The following RNF166 variants were observed in gnomAD, a reference collection of about 807,000 sequenced individuals.
The protein encoded by RNF166 is ring finger protein 166.
In RNF166, 19 loss-of-function variants were observed where a neutral mutation model predicts 29.4. The observed-to-expected ratio is 0.65, with a 90% CI of 0.45 to 0.95. The LOEUF (loss-of-function observed/expected upper bound fraction) is 0.95, where lower values mean the gene tolerates loss of function less well. Among genes scored for constraint, RNF166 ranks in the 40% least tolerant of loss-of-function variants. The pLI is 0.00. For synonymous variants in RNF166, 171 were observed against 134.5 expected (o/e 1.27, Z -1.88); for missense variants, 347 against 322.1 (o/e 1.08, Z -0.59).
At position 88,697,646 on chromosome 16, in the gene RNF166, A is replaced by G; in HGVS notation, c.649-13T>C. The G allele has an allele frequency of 6.5e-7, 1 of 1,545,708 alleles. No individual in the cohort carries two copies. Among genetic ancestry groups the G allele is most frequent in the African/African-American group, 1.4e-5 (1 of 73,080 alleles). On this transcript the variant is annotated splice_polypyrimidine_tract_variant and intron_variant, in intron 5 of 5. Transcript: ENST00000312838. ...CAATACTGTAGTCCTGGAGACAGGA[A>G]GGAGAGATGCACCGGGCTCGAGGGA...
intron 1 of RNF166, chr16:88,703,924 C>T (rs1240397517): frequency 2.0e-6 from 2 of 985,356 alleles, no homozygotes; most frequent in Non-Finnish European, 2.4e-6. Context: ...GCTGCTCACA[C>T]AGCCCTTCCA....
At chr16:88,703,531 G>C in intron 1 of RNF166, 1 of 985,436 alleles carries the variant, frequency 1.0e-6, no homozygotes, top group Non-Finnish European at 1.2e-6. Flanking sequence ...GCAGGAGGCA[G>C]AACGAGGCAC....
chr16:88,701,213 C>A, intron 2 of RNF166, 49 bp downstream of exon 2: 1 of 1,608,784 alleles, frequency 6.2e-7, no homozygotes, highest in South Asian at 1.1e-5. Context: ...TGGGCTGAGG[C>A]TGCCCATCAA....
intron 2 of RNF166, chr16:88,700,518 C>G (rs111712056): frequency 1.2e-6 from 1 of 838,146 alleles, no homozygotes; most frequent in African/African-American, 1.8e-5. Flanking sequence ...CCTTCGACCT[C>G]GAGGACAAAC....
Position 88,698,492 on chromosome 16 carries a change from G to A in RNF166, c.648+10C>T, listed in dbSNP as rs968179909. On this transcript the variant is annotated intron_variant, in intron 5 of 5. Coordinates refer to ENST00000312838, the MANE Select transcript of RNF166 (RefSeq NM_178841.4). ...GGCGTGGGGGAGGACGGTGCTGGCG[G>A]GATGCCTACCACAAAGGTGTCGTAG... 6.4e-7 allele frequency: 1 copy of A among 1,555,466 alleles called. No homozygotes were observed. The highest frequency in any genetic ancestry group is 8.7e-7 in the Non-Finnish European group (1 of 1,147,686).
In RNF166 at chr16:88,699,746, C is replaced by G; in HGVS notation, c.313-14G>C. On this transcript the variant is annotated splice_polypyrimidine_tract_variant and intron_variant, in intron 2 of 5. Coordinates refer to ENST00000312838, the MANE Select transcript of RNF166 (RefSeq NM_178841.4). ...TGCCAGGGTCACCTAGGAGACAGGG[C>G]AGGGAGGGCAAGGCGGTCCTGAGAA... The G allele has an allele frequency of 6.2e-7, 1 of 1,603,484 alleles. No individual in the cohort carries two copies. The highest frequency in any genetic ancestry group is 8.5e-7 in the Non-Finnish European group (1 of 1,172,486).
chr16:88,699,068 G>A lies in RNF166; in HGVS notation c.443C>T (p.Ser148Phe). 1 of 1,609,424 alleles carries A rather than the reference G, an allele frequency of 6.2e-7. No homozygotes were observed. Among genetic ancestry groups the A allele is most frequent in the East Asian group, 2.2e-5 (1 of 44,810 alleles). Residue 148 changes from serine to phenylalanine, a missense_variant, in exon 4 of 6, where the codon TCC becomes TTC. Coordinates refer to ENST00000312838, the MANE Select transcript of RNF166 (RefSeq NM_178841.4). The stretch of plus-strand genomic sequence containing the variant: ...ACCACAGTACGGGCAGGCGAAGGTG[G>A]ACCTGTTGGGGATGTTGCTGGCGGG... ...QPIPSNIPNR[S>F]TFACPYCGAR...
Position 88,706,319 on chromosome 16 carries a change from T to C in RNF166, c.7A>G (p.Met3Val), listed in dbSNP as rs1910800892. MA[M>V]FRSLVASAQQ... ...GCCGAGGCCACCAGGCTGCGGAACA[T>C]AGCCATCCCGGGGCCAGGCCCGCGC... is the stretch of plus-strand genomic sequence containing the variant. The change falls in exon 1 of 6, where the codon ATG (methionine) becomes GTG (valine). Residue 3 changes from methionine (M) to valine (V), a missense_variant. Transcript: ENST00000312838. 3 of 1,225,628 alleles carry C rather than the reference T, an allele frequency of 2.4e-6. No homozygotes were observed. The highest frequency in any genetic ancestry group is 3.1e-6 in the Non-Finnish European group (3 of 983,572). 75.9% of individuals were successfully genotyped at this position (1,225,628 alleles called of 1,614,324 possible).
Position 88,701,181 on chromosome 16 carries a change from C to T in RNF166, c.312+81G>A, listed in dbSNP as rs956436062. On this transcript the variant is annotated intron_variant, in intron 2 of 5. Transcript: ENST00000312838. ...CAACAGGAAAGAGAGAGGGCCCCGGCCCCCACCCTCTGCAGAACCCGTGGG... is the reference window on the plus strand; with the variant it reads ...CAACAGGAAAGAGAGAGGGCCCCGGTCCCCACCCTCTGCAGAACCCGTGGG... 3.2e-6 allele frequency: 5 copies of T among 1,547,158 alleles called. No homozygotes were observed. In the African/African-American group the frequency reaches 4.1e-5, roughly 13 times the overall value.
At chr16:88,702,634 G>T (rs1910367341) in intron 1 of RNF166, 2 of 932,496 alleles carry the variant, frequency 2.1e-6, no homozygotes, top group African/African-American at 1.8e-5. Context: ...TGCCACCACT[G>T]GATTCCCACA....
chr16:88,697,647 G>A lies in RNF166; in HGVS notation c.649-14C>T. 3.2e-6 allele frequency: 5 copies of A among 1,545,326 alleles called. No individual in the cohort carries two copies. Among genetic ancestry groups the A allele is most frequent in the South Asian group, 1.2e-5 (1 of 83,942 alleles). On this transcript the variant is annotated splice_polypyrimidine_tract_variant and intron_variant, in intron 5 of 5. Coordinates refer to ENST00000312838, the MANE Select transcript of RNF166 (RefSeq NM_178841.4). ...AATACTGTAGTCCTGGAGACAGGAA[G>A]GAGAGATGCACCGGGCTCGAGGGAG...
intron 3 of RNF166, 149 bp from the exon 4 acceptor site, chr16:88,699,234 C>T (rs964071573): frequency 5.0e-5 from 34 of 673,550 alleles, no homozygotes; most frequent in African/African-American, 2.8e-4. Context: ...TGCCTCTGCA[C>T]GCCATGGCCT....
Position 88,701,134 on chromosome 16 carries a change from A to G in RNF166, c.312+128T>C, listed in dbSNP as rs1910178342. The G allele has an allele frequency of 7.6e-6, 10 of 1,314,436 alleles. No individual in the cohort carries two copies. The Admixed American group carries it at 1.4e-4, about 19-fold the overall frequency. 81.4% of individuals were successfully genotyped at this position (1,314,436 alleles called of 1,614,324 possible). A position where few individuals can be genotyped will look rare whatever the true frequency, so the allele number is the denominator to read the frequency against. ...GGCGCCGGGGCTGGCTTCCTGGTGC[A>G]GGAGCAGAGACCGCGATTACTCAAC... On this transcript the variant is annotated intron_variant, in intron 2 of 5. Transcript: ENST00000312838.
rs754169584 is a variant in RNF166, at chr16:88,701,338, T to C, written c.236A>G (p.Lys79Arg). 5 of 1,613,532 alleles carry C rather than the reference T, an allele frequency of 3.1e-6. No homozygotes were observed. The highest frequency in any genetic ancestry group is 1.7e-5 in the Admixed American group (1 of 60,018). The change falls in exon 2 of 6, where the codon AAG (lysine) becomes AGG (arginine). Residue 79 changes from lysine (K) to arginine (R), a missense_variant. By Grantham distance (26) the Lys-to-Arg change is conservative (BLOSUM62 2). Coordinates refer to ENST00000312838, the MANE Select transcript of RNF166 (RefSeq NM_178841.4). The stretch of plus-strand genomic sequence containing the variant: ...CACGTGGGTGGCCTTGTCCACCTTC[T>C]TGGGGTCGAAGGGCAGGCGGCAGAG... Reference protein sequence around the residue: ...CPLCRLPFDPKKVDKATHVEK... With the variant: ...CPLCRLPFDPRKVDKATHVEK...
intron 4 of RNF166, 72 bp downstream of exon 4, chr16:88,698,899 G>A (rs951429341): frequency 9.8e-6 from 12 of 1,219,364 alleles, no homozygotes; most frequent in South Asian, 3.9e-5. Flanking sequence ...CCGCGAGCAG[G>A]CTCCTGGGCC....
At position 88,700,940 on chromosome 16, in the gene RNF166, G is replaced by C. The variant is rs1319376800; in HGVS notation, c.312+322C>G. 5.1e-6 allele frequency: 6 copies of C among 1,185,596 alleles called. No homozygotes were observed. In the South Asian group the frequency reaches 1.1e-4, roughly 23 times the overall value. 73.4% of individuals were successfully genotyped at this position (1,185,596 alleles called of 1,614,324 possible). Reference sequence around the variant, plus strand: ...CCCCGGTATCGGCTGGCAGGGGAAGGCTGCATTGGGAAGGTTTCAGCTCAG... The same window carrying C: ...CCCCGGTATCGGCTGGCAGGGGAAGCCTGCATTGGGAAGGTTTCAGCTCAG... On this transcript the variant is annotated intron_variant, in intron 2 of 5. Transcript: ENST00000312838.
chr16:88,703,396 T>G, intron 1 of RNF166: 4 of 985,068 alleles, frequency 4.1e-6, no homozygotes, highest in Non-Finnish European at 4.8e-6. Flanking sequence ...AGGCAGAGCT[T>G]GGGAAGAGAG....
Position 88,701,424 on chromosome 16 carries a change from G to T in RNF166, c.156-6C>A. On this transcript the variant is annotated splice_region_variant and splice_polypyrimidine_tract_variant and intron_variant, in intron 1 of 5. Coordinates refer to ENST00000312838, the MANE Select transcript of RNF166 (RefSeq NM_178841.4). ...GGAGACACTCCCCGCAGAACCTGCA[G>T]GGCACAGGGGCCTGAGTGCCAGCCC... The T allele has an allele frequency of 6.4e-7, 1 of 1,565,912 alleles. No individual in the cohort carries two copies. Among genetic ancestry groups the T allele is most frequent in the Middle Eastern group, 2.2e-4 (1 of 4,650 alleles).
rs371475469 is a variant in RNF166 at position 88,700,543 on chromosome 16, G to A, written c.312+719C>T. 107 of 941,586 alleles carry A rather than the reference G, an allele frequency of 1.1e-4. No homozygotes were observed. In the African/African-American group the frequency reaches 1.6e-3, roughly 14 times the overall value. 58.3% of individuals were successfully genotyped at this position (941,586 alleles called of 1,614,324 possible). On this transcript the variant is annotated intron_variant, in intron 2 of 5. Transcript: ENST00000312838. Reference sequence around the variant, plus strand: ...CGAGGACAAACCACCGAGGGGCCACGTACTAGTGTGAGCGCTTCATAGAAC... The same window carrying A: ...CGAGGACAAACCACCGAGGGGCCACATACTAGTGTGAGCGCTTCATAGAAC...
Sources: allele counts gnomAD v4.1 joint callset, GRCh38; gene constraint gnomAD v4.1.1; transcripts MANE v1.5; gene names NCBI Gene and HGNC (gene_info 2026-07-23, HGNC 2026-07-21).